Variants in STXBP6 observed in about 807,000 individuals in gnomAD.
STXBP6 encodes the protein syntaxin binding protein 6, also known as syntaxin-binding protein 6.
In STXBP6, 21 loss-of-function variants were observed where a neutral mutation model predicts 26.9. The ratio of observed to expected loss-of-function variants is 0.78; its 90% confidence interval spans 0.55 to 1.12. The LOEUF is 1.12. STXBP6 is among the 50% of genes most tolerant of loss of function. The pLI is 0.00. For synonymous variants in STXBP6, 97 were observed against 92.6 expected, an observed-to-expected ratio of 1.05 and a Z score of -0.27; for missense variants, 232 against 257.9, an observed-to-expected ratio of 0.90 and a Z score of 0.69.
intron 2 of STXBP6, 44 bp downstream of exon 2, chr14:24,974,621 A>C: frequency 6.6e-7 from 1 of 1,503,780 alleles, no homozygotes; most frequent in South Asian, 1.3e-5. Context: ...AACTGTTTTA[A>C]AATGGAAGTT....
intron 1 of STXBP6, among the ~76,000 whole-genome samples, chr14:25,024,468 T>G (rs1023945666): frequency 4.6e-5 from 7 of 152,190 alleles, no homozygotes; most frequent in African/African-American, 1.7e-4. Flanking sequence ...AGAACGAACT[T>G]GATCCTGTGG....
Position 24,974,794 on chromosome 14 carries a change from T to C in STXBP6, c.25A>G (p.Lys9Glu). 1 of 1,609,230 alleles carries C rather than the reference T, an allele frequency of 6.2e-7. No individual in the cohort carries two copies. Among genetic ancestry groups the C allele is most frequent in the Non-Finnish European group, 8.5e-7 (1 of 1,177,402 alleles). MSAKSAISKEIFAPLDERM... is the reference protein window; with the variant it reads MSAKSAISEEIFAPLDERM... ...TCATCAAGAGGTGCAAAAATTTCCT[T>C]GCTGATAGCAGATTTGGCACTCATT... Residue 9 changes from lysine to glutamate, a missense_variant, in exon 2 of 6, where the codon AAG becomes GAG. Transcript: ENST00000323944.
In STXBP6 at chr14:24,811,702, C is replaced by T. The variant is rs566566143; in HGVS notation, c.*1007G>A. ...ATAGATAGCAAAAACAACATCAAAA[C>T]CTCCAAAATCCAGATACCAAGAAAC... On this transcript the variant is annotated 3_prime_UTR_variant, in exon 6 of 6. Coordinates refer to ENST00000323944, the MANE Select transcript of STXBP6 (RefSeq NM_001394410.1). 6 of 152,120 alleles carry T rather than the reference C, an allele frequency of 3.9e-5. No individual in the cohort carries two copies. The highest frequency in any genetic ancestry group is 1.4e-4 in the African/African-American group (6 of 41,526). 9.4% of individuals were successfully genotyped at this position (152,120 alleles called of 1,614,324 possible). A position where few individuals can be genotyped will look rare whatever the true frequency, so the allele number is the denominator to read the frequency against.
intron 2 of STXBP6, among the ~76,000 whole-genome samples, chr14:24,861,133 C>T (rs1294826852): frequency 6.6e-6 from 1 of 152,090 alleles, no homozygotes; most frequent in Non-Finnish European, 1.5e-5. Context: ...ATTTACCACA[C>T]CTACATACCT....
At chr14:24,985,516 T>C (rs1420580343) in intron 1 of STXBP6, among the ~76,000 whole-genome samples, 1 of 152,208 alleles carries the variant, frequency 6.6e-6, no homozygotes, top group African/African-American at 2.4e-5. Context: ...ACTCTGGCAT[T>C]TCAAAAGCAC....
chr14:24,874,472 T>G (rs1033546268), intron 2 of STXBP6, among the ~76,000 whole-genome samples: 6 of 152,078 alleles, frequency 3.9e-5, no homozygotes, highest in African/African-American at 1.2e-4. Context: ...TGCTATAGGG[T>G]CCATCCCACC....
chr14:25,040,220 T>C (rs1482401782), intron 1 of STXBP6, among the ~76,000 whole-genome samples: 1 of 152,222 alleles, frequency 6.6e-6, no homozygotes, highest in African/African-American at 2.4e-5. Flanking sequence ...GTTTTACACC[T>C]GTAACTTTAT....
In STXBP6 at chr14:25,038,823, A is replaced by T. The variant is rs552716010; in HGVS notation, c.-33+11055T>A. Among the ~76,000 whole-genome samples the T allele has an allele frequency of 1.8e-4, 28 of 151,956 alleles. No individual in the cohort carries two copies. In the East Asian group the frequency reaches 3.3e-3, roughly 18 times the overall value. On this transcript the variant is annotated intron_variant, in intron 1 of 5. Transcript: ENST00000323944. Reference sequence around the variant, plus strand: ...CCCTCGAAACTAAAAGCTTTTTTTTAAAAAAAAGAAAAAAAAATAATGGTA... The same window carrying T: ...CCCTCGAAACTAAAAGCTTTTTTTTTAAAAAAAGAAAAAAAAATAATGGTA...
intron 4 of STXBP6, among the ~76,000 whole-genome samples, chr14:24,835,812 A>G (rs540777638): frequency 2.0e-5 from 3 of 152,248 alleles, no homozygotes; most frequent in Non-Finnish European, 4.4e-5. Flanking sequence ...AACGATATCC[A>G]TAGTGCCATT....
chr14:24,949,568 G>C (rs111940017), intron 2 of STXBP6, among the ~76,000 whole-genome samples: 74 of 152,290 alleles, frequency 4.9e-4, no homozygotes, highest in African/African-American at 1.8e-3. Flanking sequence ...GTTATAAACA[G>C]ATAATTTATA....
intron 1 of STXBP6, among the ~76,000 whole-genome samples, chr14:25,040,398 T>C (rs1454471089): frequency 6.6e-6 from 1 of 152,220 alleles, no homozygotes; most frequent in Admixed American, 6.5e-5. Flanking sequence ...CTGAGGCTGC[T>C]ACATAGTACT....
At chr14:24,904,174 GAAGTA>G (rs1449623982) in intron 2 of STXBP6, among the ~76,000 whole-genome samples, 1 of 152,136 alleles carries the variant, frequency 6.6e-6, no homozygotes, top group Non-Finnish European at 1.5e-5. Flanking sequence ...GTAAGAAACT[GAAGTA>G]AAGTTATCTT....
At chr14:25,038,499 A>G (rs886944554) in intron 1 of STXBP6, among the ~76,000 whole-genome samples, 1 of 152,258 alleles carries the variant, frequency 6.6e-6, no homozygotes. Context: ...GTTCACACAA[A>G]GGAATACTAT....
chr14:24,971,204 G>A (rs1013002273), intron 2 of STXBP6, among the ~76,000 whole-genome samples: 3 of 152,016 alleles, frequency 2.0e-5, no homozygotes, highest in African/African-American at 4.8e-5. Flanking sequence ...CTCTAACTCT[G>A]ATCATAAAAT....
rs769400439 is a variant in STXBP6, at chr14:24,819,153, C to A, written c.493G>T (p.Ala165Ser). The A allele has an allele frequency of 1.9e-6, 3 of 1,614,144 alleles. No individual in the cohort carries two copies. The highest frequency in any genetic ancestry group is 2.5e-6 in the Non-Finnish European group (3 of 1,180,006). The change falls in exon 5 of 6, where the codon GCA becomes TCA. Residue 165 changes from alanine to serine, a missense_variant. Coordinates refer to ENST00000323944, the MANE Select transcript of STXBP6 (RefSeq NM_001394410.1). ...AAGGCCTGGCTTGCCTTCTGCACTG[C>A]GCTGGTCACGCTGTCAGCAGCTGAA... ...LHSAADSVTS[A>S]VQKASQALNE... is the part of the protein sequence containing the mutation.
rs1344421641 is a variant in STXBP6, at chr14:24,810,863, C to CTGTGTGTGTGTG, written c.*1845_*1846insCACACACACACA. ...ATCCAATTTGGAAAGATAAATACAT[C>CTGTGTGTGTGTG]TCTGTGTGTGTGTGTGTGTGTGTGT... On this transcript the variant is annotated 3_prime_UTR_variant, in exon 6 of 6. Transcript: ENST00000323944. The CTGTGTGTGTGTG allele has an allele frequency of 5.2e-4, 13 of 24,762 alleles. No individual in the cohort carries two copies. The highest frequency in any genetic ancestry group is 2.2e-3 in the South Asian group (1 of 452). 1.5% of individuals were successfully genotyped at this position (24,762 alleles called of 1,614,324 possible).
chr14:24,881,456 G>A (rs1241579512), intron 2 of STXBP6, among the ~76,000 whole-genome samples: 1 of 152,174 alleles, frequency 6.6e-6, no homozygotes, highest in African/African-American at 2.4e-5. Flanking sequence ...TGTATAGTGG[G>A]AAAACACCTG....
intron 2 of STXBP6, among the ~76,000 whole-genome samples, chr14:24,959,392 G>A (rs1273066464): frequency 6.6e-6 from 1 of 152,176 alleles, no homozygotes; most frequent in Non-Finnish European, 1.5e-5. Flanking sequence ...CCTGAGTGAG[G>A]AGCAACAGCG....
chr14:24,878,716 C>T lies in STXBP6; in HGVS notation c.155-21559G>A, dbSNP rs746917051. 90 of 415,458 alleles carry T rather than the reference C, an allele frequency of 2.2e-4. 1 individual carries two copies. Among genetic ancestry groups the T allele is most frequent in the Admixed American group, 9.6e-4 (39 of 40,742 alleles). 25.7% of individuals were successfully genotyped at this position (415,458 alleles called of 1,614,324 possible). ...CTTAAACTGAATTTCTTAGCAGACA[C>T]GCTGGGATGTTCAACCATAACACAC... On this transcript the variant is annotated intron_variant, in intron 2 of 5. Transcript: ENST00000323944.
Sources: gnomAD v4.1 joint callset for allele counts (sites outside exome capture counted in the v4.1 genomes callset) on GRCh38, gnomAD v4.1.1 for gene constraint, MANE v1.5 for transcripts, NCBI Gene and HGNC (gene_info 2026-07-23, HGNC 2026-07-21) for gene names.